The following KCNN2 variants were observed in gnomAD, a reference collection of about 807,000 sequenced individuals.
KCNN2 encodes the protein potassium calcium-activated channel subfamily N member 2.
A neutral mutation model predicts 55.5 loss-of-function variants in KCNN2; 24 were observed. That is an observed-to-expected ratio of 0.43 (90% CI 0.31 to 0.61). The LOEUF is 0.61. Among genes scored for constraint, KCNN2 ranks in the 20% least tolerant of loss-of-function variants. The pLI is 0.08. For synonymous variants in KCNN2, 431 were observed against 336.1 expected (o/e 1.28, Z -3.09); for missense variants, 754 against 853.6 (o/e 0.88, Z 1.45).
intron 5 of KCNN2, 24 bp downstream of exon 5, chr5:114,473,188 C>A: frequency 7.5e-7 from 1 of 1,331,920 alleles, no homozygotes; most frequent in Non-Finnish European, 1.1e-6. Context: ...CATATATCTT[C>A]AAAGAGAATA....
intron 1 of KCNN2, among the ~76,000 whole-genome samples, chr5:114,188,536 A>G (rs1444519419): frequency 2.6e-5 from 4 of 152,224 alleles, no homozygotes; most frequent in African/African-American, 4.8e-5. Flanking sequence ...CAAACCTGCT[A>G]TCATCAGGAG....
intron 2 of KCNN2, among the ~76,000 whole-genome samples, chr5:114,225,686 G>GA (rs199646615): frequency 9.6e-4 from 144 of 149,924 alleles, no homozygotes; most frequent in Admixed American, 1.6e-3. Context: ...TATCTACAAA[G>GA]AAAAAAAAAG....
Position 114,401,447 on chromosome 5 carries a change from G to T in KCNN2, c.1219-2991G>T, listed in dbSNP as rs549904901. On this transcript the variant is annotated intron_variant, in intron 2 of 7. Coordinates refer to ENST00000673685, the MANE Select transcript of KCNN2 (RefSeq NM_021614.4). The stretch of plus-strand genomic sequence containing the variant: ...ATATTAGGACCTATCCAGTGATTAG[G>T]ATAGTCACTGTTAACTGAGAAATAA... Among the ~76,000 whole-genome samples the T allele has an allele frequency of 8.3e-4, 127 of 152,286 alleles. 1 individual carries two copies. Among genetic ancestry groups the T allele is most frequent in the African/African-American group, 3.0e-3 (124 of 41,572 alleles).
At chr5:114,251,598 T>G (rs1204087697) in intron 2 of KCNN2, among the ~76,000 whole-genome samples, 1 of 152,208 alleles carries the variant, frequency 6.6e-6, no homozygotes, top group African/African-American at 2.4e-5. Context: ...ATTTAGTCTT[T>G]TCTTTGTTAC....
chr5:114,345,012 A>G (rs1230565841), intron 2 of KCNN2, among the ~76,000 whole-genome samples: 2 of 152,230 alleles, frequency 1.3e-5, no homozygotes, highest in Non-Finnish European at 2.9e-5. Context: ...TTGAAAATAC[A>G]TATGCACAAG....
chr5:114,338,534 A>G (rs146126795), intron 2 of KCNN2, among the ~76,000 whole-genome samples: 27 of 152,320 alleles, frequency 1.8e-4, no homozygotes, highest in African/African-American at 6.0e-4. Context: ...AAAGTAAGTA[A>G]TATATCAAGA....
chr5:114,100,411 T>C (rs745823388), intron 1 of KCNN2, among the ~76,000 whole-genome samples: 26 of 152,140 alleles, frequency 1.7e-4, no homozygotes, highest in Non-Finnish European at 2.2e-4. Flanking sequence ...GGTATGGGTG[T>C]AGTATTGCTG....
intron 2 of KCNN2, among the ~76,000 whole-genome samples, chr5:114,234,687 G>T (rs1009263265): frequency 2.0e-5 from 3 of 152,118 alleles, no homozygotes; most frequent in African/African-American, 4.8e-5. Flanking sequence ...GAGGTGGAGA[G>T]TGGAGAAGAG....
intron 2 of KCNN2, among the ~76,000 whole-genome samples, chr5:114,237,282 A>ACACACACACACT (rs1754520033): frequency 1.3e-5 from 2 of 150,808 alleles, no homozygotes; most frequent in Non-Finnish European, 3.0e-5. Context: ...ACACACACAC[A>ACACACACACACT]CACACACACT....
At chr5:114,326,327 A>G (rs1756713665) in intron 2 of KCNN2, among the ~76,000 whole-genome samples, 1 of 152,206 alleles carries the variant, frequency 6.6e-6, no homozygotes, top group Admixed American at 6.5e-5. Flanking sequence ...ATGGGGCAGA[A>G]GGCTGAAAGT....
At chr5:114,154,759 A>T (rs1213628697) in intron 1 of KCNN2, among the ~76,000 whole-genome samples, 1 of 152,024 alleles carries the variant, frequency 6.6e-6, no homozygotes, top group Non-Finnish European at 1.5e-5. Context: ...GTATCTCTAG[A>T]CCACCCCTCC....
chr5:114,172,777 A>G (rs534416250), intron 1 of KCNN2, among the ~76,000 whole-genome samples: 4 of 151,638 alleles, frequency 2.6e-5, no homozygotes, highest in African/African-American at 7.2e-5. Flanking sequence ...CTGTTTTTTA[A>G]TCAAATATTA....
chr5:114,487,712 A>G (rs1747642795), intron 6 of KCNN2, among the ~76,000 whole-genome samples: 1 of 152,162 alleles, frequency 6.6e-6, no homozygotes, highest in South Asian at 2.1e-4. Flanking sequence ...CCATTGTTAT[A>G]TAATTAGCAT....
At chr5:114,391,670 G>T (rs1209329941) in intron 2 of KCNN2, among the ~76,000 whole-genome samples, 2 of 152,130 alleles carry the variant, frequency 1.3e-5, no homozygotes, top group Admixed American at 1.3e-4. Context: ...ATTGTTGGCT[G>T]CTCTCTCCAT....
chr5:114,384,989 G>T (rs1467005923), intron 2 of KCNN2, among the ~76,000 whole-genome samples: 3 of 152,180 alleles, frequency 2.0e-5, no homozygotes, highest in Non-Finnish European at 4.4e-5. Context: ...TACATGTACA[G>T]ATCTGTCCCT....
intron 1 of KCNN2, among the ~76,000 whole-genome samples, chr5:114,120,038 A>G (rs530088876): frequency 1.3e-5 from 2 of 152,298 alleles, no homozygotes; most frequent in Admixed American, 6.5e-5. Context: ...TAAGAAATCT[A>G]TGCCAGGGAA....
intron 1 of KCNN2, among the ~76,000 whole-genome samples, chr5:114,206,627 A>G (rs1237698429): frequency 6.6e-6 from 1 of 152,078 alleles, no homozygotes; most frequent in African/African-American, 2.4e-5. Context: ...TAGCTCACCA[A>G]CACTGTGGTG....
At chr5:114,156,524 T>C (rs1250769596) in intron 1 of KCNN2, among the ~76,000 whole-genome samples, 2 of 152,044 alleles carry the variant, frequency 1.3e-5, no homozygotes, top group African/African-American at 2.4e-5. Flanking sequence ...GGATGGAAGG[T>C]TTTTCCATTT....
At chr5:114,354,473 C>T (rs756488537) in intron 2 of KCNN2, among the ~76,000 whole-genome samples, 2 of 152,060 alleles carry the variant, frequency 1.3e-5, no homozygotes, top group Non-Finnish European at 2.9e-5. Flanking sequence ...ACTGCTACAG[C>T]TCTTTTTGCT....
Sources: allele counts gnomAD v4.1 joint callset (sites outside exome capture counted in the v4.1 genomes callset), GRCh38; gene constraint gnomAD v4.1.1; transcripts MANE v1.5; gene names NCBI Gene and HGNC (gene_info 2026-07-23, HGNC 2026-07-21).